CAST: variants seen among roughly 807,000 people sequenced by gnomAD.
CAST encodes calpastatin.
Under a neutral mutation model 119.6 loss-of-function variants are expected in CAST, and 76 were observed. That is an observed-to-expected ratio of 0.64 (90% CI 0.53 to 0.77). The LOEUF is 0.77. Ranked by LOEUF, CAST falls within the 30% of genes least tolerant of loss-of-function variation. The pLI is 0.00. For synonymous variants in CAST, 319 were observed against 331.6 expected, an observed-to-expected ratio of 0.96 and a Z score of 0.41; for missense variants, 953 against 946.5, an observed-to-expected ratio of 1.01 and a Z score of -0.09.
the CAST span, among the ~76,000 whole-genome samples, chr5:96,077,920 G>C: frequency 6.6e-6 from 1 of 152,190 alleles, no homozygotes; most frequent in Non-Finnish European, 1.5e-5. Context: ...AGTACACTTT[G>C]ACTACTGGAT....
chr5:96,086,069 T>G, the CAST span, among the ~76,000 whole-genome samples: 1 of 152,218 alleles, frequency 6.6e-6, no homozygotes, highest in African/African-American at 2.4e-5. Flanking sequence ...ATATGACCTA[T>G]GTACATTTTT....
chr5:96,170,982 A>G, the CAST span, among the ~76,000 whole-genome samples: 21 of 152,072 alleles, frequency 1.4e-4, no homozygotes, highest in Middle Eastern at 3.4e-3. Flanking sequence ...GGAGGAGGGG[A>G]GAGGTCAGAT....
chr5:96,061,762 A>G, the CAST span, among the ~76,000 whole-genome samples: 1 of 152,064 alleles, frequency 6.6e-6, no homozygotes, highest in East Asian at 1.9e-4. Context: ...GAAAGAGAAT[A>G]TGGAAGATAG....
chr5:96,770,290 C>T lies in CAST; in HGVS notation c.2269-241C>T, dbSNP rs983346886. On this transcript the variant is annotated intron_variant, in intron 29 of 31. Coordinates refer to ENST00000675179, the MANE Select transcript of CAST (RefSeq NM_001750.7). ...TAAGGTCTGGGTGAGTCAGGCACCA[C>T]GGGAATTAGAGCATCAATGTCACCC... 1.3e-5 allele frequency: 6 copies of T among 479,418 alleles called. No homozygotes were observed. The East Asian group carries it at 1.4e-4, about 12-fold the overall frequency. The allele number at this position is 479,418 out of a possible 1,614,324, so 29.7% of individuals were successfully genotyped here. A position where few individuals can be genotyped will look rare whatever the true frequency, so the allele number is the denominator to read the frequency against.
the CAST span, among the ~76,000 whole-genome samples, chr5:96,239,931 C>T: frequency 6.6e-6 from 1 of 151,750 alleles, no homozygotes; most frequent in African/African-American, 2.4e-5. Flanking sequence ...CTTTTTGCTG[C>T]CTTTTACCCA....
At chr5:96,720,380 C>G (rs1359439448) in intron 3 of CAST, among the ~76,000 whole-genome samples, 2 of 152,180 alleles carry the variant, frequency 1.3e-5, no homozygotes, top group East Asian at 3.8e-4. Flanking sequence ...AAAGTGTATT[C>G]ATTCATTCAC....
the CAST span, among the ~76,000 whole-genome samples, chr5:95,968,632 A>G: frequency 1.3e-5 from 2 of 152,192 alleles, no homozygotes; most frequent in Non-Finnish European, 2.9e-5. Flanking sequence ...GAAGAAATAT[A>G]TCAACACATA....
chr5:96,363,266 T>C, the CAST span, among the ~76,000 whole-genome samples: 46 of 148,186 alleles, frequency 3.1e-4, 1 homozygote, highest in East Asian at 8.8e-3. Context: ...AGTCAGGTAG[T>C]ATGGTGCCTC....
At chr5:96,170,034 G>T in the CAST span, among the ~76,000 whole-genome samples, 6 of 151,924 alleles carry the variant, frequency 3.9e-5, no homozygotes, top group Non-Finnish European at 7.4e-5. Flanking sequence ...ATGTGGAGTG[G>T]GTAGCCTCTG....
At chr5:96,308,105 TG>T in the CAST span, among the ~76,000 whole-genome samples, 2 of 152,176 alleles carry the variant, frequency 1.3e-5, no homozygotes, top group African/African-American at 4.8e-5. Flanking sequence ...AACGTAGATT[TG>T]ATCTTTTCAC....
the CAST span, among the ~76,000 whole-genome samples, chr5:96,136,072 A>G: frequency 1.3e-5 from 2 of 152,036 alleles, no homozygotes; most frequent in Admixed American, 6.6e-5. Flanking sequence ...GTTATGCTCA[A>G]CCTCTTTTTG....
chr5:96,215,247 A>G, the CAST span: 1 of 152,208 alleles, frequency 6.6e-6, no homozygotes, highest in East Asian at 1.9e-4. Flanking sequence ...TGAGAACTCC[A>G]AAGAACTTTC....
intron 1 of CAST, among the ~76,000 whole-genome samples, chr5:96,652,018 C>G (rs1748100687): frequency 6.6e-6 from 1 of 152,200 alleles, no homozygotes; most frequent in Admixed American, 6.5e-5. Flanking sequence ...TACAAAGATA[C>G]TGAGTCTCAG....
At chr5:96,670,270 A>G (rs1749890336) in intron 1 of CAST, among the ~76,000 whole-genome samples, 1 of 152,186 alleles carries the variant, frequency 6.6e-6, no homozygotes, top group African/African-American at 2.4e-5. Context: ...ATGATACAAT[A>G]TGTTTTAGTA....
At chr5:96,758,913 C>T (rs907923335) in intron 24 of CAST, among the ~76,000 whole-genome samples, 4 of 152,170 alleles carry the variant, frequency 2.6e-5, no homozygotes, top group Non-Finnish European at 5.9e-5. Context: ...TGAGGCAGAA[C>T]AGATGAACAA....
intron 3 of CAST, among the ~76,000 whole-genome samples, chr5:96,699,754 A>G (rs1185680279): frequency 3.3e-5 from 5 of 152,192 alleles, no homozygotes; most frequent in Non-Finnish European, 7.3e-5. Context: ...GCATGGACTG[A>G]TAAGGCAGGA....
At chr5:96,262,752 GTCTCGA>G in the CAST span, among the ~76,000 whole-genome samples, 1 of 152,022 alleles carries the variant, frequency 6.6e-6, no homozygotes, top group Non-Finnish European at 1.5e-5. Flanking sequence ...AGCCAAGACG[GTCTCGA>G]TCTCCTGACC....
In CAST at chr5:96,770,614, A is replaced by T; in HGVS notation, c.2340+12A>T. On this transcript the variant is annotated intron_variant, in intron 30 of 31. Coordinates refer to ENST00000675179, the MANE Select transcript of CAST (RefSeq NM_001750.7). ...AGGATTCAGCAAAGGTAAATGGAGCAGTAAATATACTACAAATTAGTTTAG... is the reference window on the plus strand; with the variant it reads ...AGGATTCAGCAAAGGTAAATGGAGCTGTAAATATACTACAAATTAGTTTAG... 6.3e-7 allele frequency: 1 copy of T among 1,575,254 alleles called. No individual in the cohort carries two copies. The highest frequency in any genetic ancestry group is 8.7e-7 in the Non-Finnish European group (1 of 1,145,078).
the CAST span, among the ~76,000 whole-genome samples, chr5:96,504,123 C>T: frequency 1.4e-4 from 22 of 152,248 alleles, no homozygotes; most frequent in African/African-American, 5.3e-4. Flanking sequence ...CTATGACATG[C>T]TTTGTTTCTT....
Sources: allele counts gnomAD v4.1 joint callset (sites outside exome capture counted in the v4.1 genomes callset), GRCh38; gene constraint gnomAD v4.1.1; transcripts MANE v1.5; gene names NCBI Gene and HGNC (gene_info 2026-07-23, HGNC 2026-07-21).